Variants in SEMA5A observed in about 807,000 individuals in gnomAD.
SEMA5A encodes the protein semaphorin-5A.
Under a neutral mutation model 135.5 loss-of-function variants are expected in SEMA5A, and 55 were observed. The ratio of observed to expected loss-of-function variants is 0.41; its 90% CI spans 0.33 to 0.51. The LOEUF (loss-of-function observed/expected upper bound fraction) is 0.51, where lower values mean the gene tolerates loss of function less well. Ranked by LOEUF, SEMA5A falls within the 20% of genes least tolerant of loss-of-function variation. The pLI, the probability that SEMA5A is intolerant of heterozygous loss-of-function variation, is 0.37. For missense variants in SEMA5A, 1,290 were observed against 1,419.9 expected, an observed-to-expected ratio of 0.91 and a Z score of 1.47; for synonymous variants, 580 against 546.5, an observed-to-expected ratio of 1.06 and a Z score of -0.85.
intron 10 of SEMA5A, among the ~76,000 whole-genome samples, chr5:9,192,119 A>T (rs958524176): frequency 8.1e-5 from 12 of 147,730 alleles, no homozygotes; most frequent in South Asian, 2.2e-4. Flanking sequence ...CAGCCCTGCC[A>T]TGACCCATGT....
chr5:9,400,290 C>T (rs1234368209), intron 2 of SEMA5A, among the ~76,000 whole-genome samples: 1 of 151,924 alleles, frequency 6.6e-6, no homozygotes, highest in Non-Finnish European at 1.5e-5. Flanking sequence ...CAAGCCTGCA[C>T]GTTCTGCACA....
chr5:9,077,296 G>A (rs1210421363), intron 16 of SEMA5A, among the ~76,000 whole-genome samples: 1 of 152,126 alleles, frequency 6.6e-6, no homozygotes, highest in Admixed American at 6.5e-5. Flanking sequence ...CTGGCTCATA[G>A]AAGGGGAAAA....
intron 11 of SEMA5A, among the ~76,000 whole-genome samples, chr5:9,159,770 C>G (rs1240521008): frequency 6.6e-6 from 1 of 152,114 alleles, no homozygotes; most frequent in Non-Finnish European, 1.5e-5. Context: ...TATTGCAGCA[C>G]TATTTATAAT....
At chr5:9,398,207 G>C (rs947438107) in intron 2 of SEMA5A, among the ~76,000 whole-genome samples, 4 of 152,122 alleles carry the variant, frequency 2.6e-5, no homozygotes, top group Non-Finnish European at 5.9e-5. Flanking sequence ...CACACGTCAA[G>C]GAAAACACTA....
At chr5:9,412,650 G>A (rs1757145031) in intron 2 of SEMA5A, among the ~76,000 whole-genome samples, 1 of 149,392 alleles carries the variant, frequency 6.7e-6, no homozygotes, top group Non-Finnish European at 1.5e-5. Context: ...AGTTATCGTG[G>A]GGATAGAACC....
chr5:9,072,634 G>A lies in SEMA5A; in HGVS notation c.2074-5988C>T, dbSNP rs1450803035. Among the ~76,000 whole-genome samples, 3 of 152,158 alleles carry A rather than the reference G, an allele frequency of 2.0e-5. No homozygotes were observed. In the East Asian group the frequency reaches 5.8e-4, roughly 29 times the overall value. The stretch of plus-strand genomic sequence containing the variant: ...GGGTCATTGGTTGGATACCAAAAGG[G>A]GCCTTGCTTCCACAGTGGGGAAAAA... On this transcript the variant is annotated intron_variant, in intron 16 of 22. Coordinates refer to ENST00000382496, the MANE Select transcript of SEMA5A (RefSeq NM_003966.3).
At chr5:9,134,890 A>AT (rs1349227304) in intron 13 of SEMA5A, among the ~76,000 whole-genome samples, 4 of 152,172 alleles carry the variant, frequency 2.6e-5, no homozygotes, top group Admixed American at 2.6e-4. Context: ...TGTTCTTAGT[A>AT]TTTTTCAGAA....
At chr5:9,123,258 C>CAAAAAAAAAAAAAAAAAAA (rs57533658) in intron 13 of SEMA5A, among the ~76,000 whole-genome samples, 1 of 38,944 alleles carries the variant, frequency 2.6e-5, no homozygotes, top group Non-Finnish European at 6.3e-5. Flanking sequence ...GACTCCGCCT[C>CAAAAAAAAAAAAAAAAAAA]AAAAAAAAAA....
At chr5:9,443,023 G>A (rs1008840704) in intron 1 of SEMA5A, among the ~76,000 whole-genome samples, 3 of 152,168 alleles carry the variant, frequency 2.0e-5, no homozygotes, top group Admixed American at 6.5e-5. Flanking sequence ...ACTCAGATGT[G>A]GGCTGTGGGA....
chr5:9,458,433 A>G (rs1758929077), intron 1 of SEMA5A, among the ~76,000 whole-genome samples: 1 of 152,154 alleles, frequency 6.6e-6, no homozygotes, highest in Non-Finnish European at 1.5e-5. Flanking sequence ...TAAGATGAAC[A>G]TTTGCCAATG....
chr5:9,119,573 G>A (rs1320028784), intron 14 of SEMA5A, among the ~76,000 whole-genome samples: 1 of 152,074 alleles, frequency 6.6e-6, no homozygotes, highest in Non-Finnish European at 1.5e-5. Context: ...TGGACAAAAT[G>A]CTCATCTAAA....
At chr5:9,383,793 C>T (rs1402644190) in intron 2 of SEMA5A, among the ~76,000 whole-genome samples, 2 of 152,172 alleles carry the variant, frequency 1.3e-5, no homozygotes, top group African/African-American at 4.8e-5. Context: ...GCCCTCCACT[C>T]TGATCTTAAC....
intron 16 of SEMA5A, among the ~76,000 whole-genome samples, chr5:9,098,569 G>C (rs1212367933): frequency 1.3e-5 from 2 of 152,174 alleles, no homozygotes; most frequent in African/African-American, 2.4e-5. Context: ...TAAATCTAGA[G>C]AGTCACTCTT....
At chr5:9,084,199 T>G (rs1738551382) in intron 16 of SEMA5A, among the ~76,000 whole-genome samples, 1 of 152,222 alleles carries the variant, frequency 6.6e-6, no homozygotes, top group African/African-American at 2.4e-5. Context: ...GTTTTGTAAA[T>G]ACTCAAGATG....
intron 5 of SEMA5A, among the ~76,000 whole-genome samples, chr5:9,258,311 C>T (rs1749192255): frequency 6.6e-6 from 1 of 152,108 alleles, no homozygotes; most frequent in Admixed American, 6.5e-5. Flanking sequence ...AACATCTTGG[C>T]CATTGGGTTA....
chr5:9,394,051 A>T (rs896648581), intron 2 of SEMA5A, among the ~76,000 whole-genome samples: 4 of 152,208 alleles, frequency 2.6e-5, no homozygotes, highest in Non-Finnish European at 5.9e-5. Flanking sequence ...ACAATTAAAC[A>T]ATATTTTGAA....
intron 8 of SEMA5A, among the ~76,000 whole-genome samples, chr5:9,221,345 C>G (rs1354064769): frequency 2.1e-5 from 3 of 146,144 alleles, no homozygotes; most frequent in African/African-American, 7.5e-5. Context: ...CTGTGTCACC[C>G]AGGCTGGAGT....
chr5:9,425,194 T>A (rs1757603787), intron 2 of SEMA5A, among the ~76,000 whole-genome samples: 1 of 132,934 alleles, frequency 7.5e-6, no homozygotes, highest in African/African-American at 2.9e-5. Flanking sequence ...TGAACCCATC[T>A]GAATTCTTTG....
intron 1 of SEMA5A, among the ~76,000 whole-genome samples, chr5:9,439,764 C>G (rs1042791991): frequency 6.6e-6 from 1 of 152,238 alleles, no homozygotes; most frequent in Non-Finnish European, 1.5e-5. Flanking sequence ...CCTGGACCGC[C>G]AGACAGTCCT....
Sources: allele counts gnomAD v4.1 joint callset (sites outside exome capture counted in the v4.1 genomes callset), GRCh38; gene constraint gnomAD v4.1.1; transcripts MANE v1.5; gene names NCBI Gene and HGNC (gene_info 2026-07-23, HGNC 2026-07-21).